The following TMIGD3 variants were observed in gnomAD, a reference collection of about 807,000 sequenced individuals.
TMIGD3 encodes the protein transmembrane and immunoglobulin domain containing 3.
TMIGD3 carries 21 observed loss-of-function variants against 28.1 expected under a neutral mutation model. The observed-to-expected ratio is 0.75, with a 90% CI of 0.53 to 1.08. The LOEUF is 1.08. Among genes scored for constraint, TMIGD3 ranks in the 50% least tolerant of loss-of-function variants. The pLI is 0.00. For synonymous variants in TMIGD3, 151 were observed against 162.1 expected (o/e 0.93, Z 0.52); for missense variants, 416 against 435.6 (o/e 0.96, Z 0.40).
rs758488255 is a variant in TMIGD3, at chr1:111,486,667, A to T, written c.806-15T>A. On this transcript the variant is annotated splice_polypyrimidine_tract_variant and intron_variant, in intron 3 of 5. Transcript: ENST00000369716. ...GCCTGATAGGTCTGAATCAGAAAGGATTTGTTAAGTCAGGTGAGGCCCATA... is the reference window on the plus strand; with the variant it reads ...GCCTGATAGGTCTGAATCAGAAAGGTTTTGTTAAGTCAGGTGAGGCCCATA... 17 of 1,612,870 alleles carry T rather than the reference A, an allele frequency of 1.1e-5. No individual in the cohort carries two copies. In the South Asian group the frequency reaches 1.8e-4, roughly 17 times the overall value.
intron 1 of TMIGD3, among the ~76,000 whole-genome samples, chr1:111,519,972 C>T (rs550727703): frequency 9.0e-4 from 137 of 152,248 alleles, no homozygotes; most frequent in African/African-American, 3.1e-3. Context: ...GGATTACAGG[C>T]GTGAGCCACC....
chr1:111,504,406 C>A (rs529076765), upstream of TMIGD3, among the ~76,000 whole-genome samples: 1 of 152,354 alleles, frequency 6.6e-6, no homozygotes, highest in South Asian at 2.1e-4. Context: ...CCCATCCCCG[C>A]AGGAACAGGC....
intron 1 of TMIGD3, among the ~76,000 whole-genome samples, chr1:111,524,074 G>A (rs12044724): frequency 8.4e-5 from 12 of 142,208 alleles, no homozygotes; most frequent in African/African-American, 3.2e-4. Flanking sequence ...CTGTCGCCCA[G>A]GCTAGAGTGC....
Position 111,489,111 on chromosome 1 carries a change from ATAAT to A in TMIGD3, c.458-91_458-88del. On this transcript the variant is annotated intron_variant, in intron 2 of 5. Transcript: ENST00000369716. ...ATTGCAGCTCCTGCCCTCCTGAAGG[ATAAT>A]TAATTAAAGAATCGGAGGCTGATTT... 6 of 1,290,024 alleles carry A rather than the reference ATAAT, an allele frequency of 4.7e-6. No individual in the cohort carries two copies. In the South Asian group the frequency reaches 7.1e-5, roughly 15 times the overall value. The allele number at this position is 1,290,024 out of a possible 1,614,324, so 79.9% of individuals were successfully genotyped here.
intron 1 of TMIGD3, among the ~76,000 whole-genome samples, chr1:111,516,549 G>C (rs1404477333): frequency 6.6e-6 from 1 of 152,204 alleles, no homozygotes; most frequent in Non-Finnish European, 1.5e-5. Flanking sequence ...GAGAACAGCA[G>C]ACCCTCCTAC....
Position 111,526,772 on chromosome 1 carries a change from G to A in TMIGD3, c.108-36010C>T, listed in dbSNP as rs956821859. Among the ~76,000 whole-genome samples, 14 of 152,098 alleles carry A rather than the reference G, an allele frequency of 9.2e-5. 1 individual carries two copies. The highest frequency in any genetic ancestry group is 3.3e-4 in the Admixed American group (5 of 15,276). ...CAAATGCGTAGTACATGTAACTACC[G>A]TTATAGAATCATACTGAATAGTTTC... On this transcript the variant is annotated intron_variant, in intron 1 of 5. Transcript: ENST00000369717.
chr1:111,489,639 G>A lies in TMIGD3; in HGVS notation c.458-615C>T, dbSNP rs755539659. 22 of 1,135,392 alleles carry A rather than the reference G, an allele frequency of 1.9e-5. 1 individual carries two copies. In the South Asian group the frequency reaches 3.4e-4, roughly 18 times the overall value. 70.3% of individuals were successfully genotyped at this position (1,135,392 alleles called of 1,614,324 possible). On this transcript the variant is annotated intron_variant, in intron 2 of 5. Coordinates refer to ENST00000369716, the MANE Select transcript of TMIGD3 (RefSeq NM_020683.7). ...GGAGGCCTCCTACCATTGCTTGACG[G>A]AGGGCCTTGAAGAGCCTGAGGCTTA... is the stretch of plus-strand genomic sequence containing the variant.
intron 1 of TMIGD3, among the ~76,000 whole-genome samples, chr1:111,531,024 C>A (rs1235169434): frequency 2.0e-5 from 3 of 152,144 alleles, no homozygotes; most frequent in Non-Finnish European, 2.9e-5. Flanking sequence ...TTTAAACATT[C>A]TTTTAGGCCA....
upstream of TMIGD3, chr1:111,504,265 C>T (rs1446749472): frequency 1.4e-5 from 5 of 346,016 alleles, no homozygotes; most frequent in African/African-American, 2.2e-5. Context: ...ATGCTGGCAG[C>T]CGGCCAATGT....
chr1:111,485,820 C>T lies in TMIGD3; in HGVS notation c.893G>A (p.Cys298Tyr). 6.2e-7 allele frequency: 1 copy of T among 1,611,526 alleles called. No homozygotes were observed. The highest frequency in any genetic ancestry group is 8.5e-7 in the Non-Finnish European group (1 of 1,178,988). Reference protein sequence around the residue: ...DRSRTSILIICILITGLGIIS... With the variant: ...DRSRTSILIIYILITGLGIIS... Reference sequence around the variant, plus strand: ...GATTCCCAAACCCGTGATCAGTATGCAAATGATGAGAATGGACGTCCTAGA... The same window carrying T: ...GATTCCCAAACCCGTGATCAGTATGTAAATGATGAGAATGGACGTCCTAGA... Residue 298 changes from cysteine (C) to tyrosine (Y), a missense_variant, in exon 5 of 6, where the codon TGC becomes TAC. Cys to Tyr is a radical substitution (Grantham distance 194). Coordinates refer to ENST00000369716, the MANE Select transcript of TMIGD3 (RefSeq NM_020683.7).
rs768339453 is a variant in TMIGD3 at position 111,488,658 on chromosome 1, C to T, written c.805+19G>A. The T allele has an allele frequency of 1.2e-6, 2 of 1,603,442 alleles. No homozygotes were observed. The highest frequency in any genetic ancestry group is 4.5e-5 in the East Asian group (2 of 44,766). Reference sequence around the variant, plus strand: ...TGGCTGTGGGTTACATCCAGCCAGACCCCAGGCAGGCTCCTTACCTTTCCC... The same window carrying T: ...TGGCTGTGGGTTACATCCAGCCAGATCCCAGGCAGGCTCCTTACCTTTCCC... On this transcript the variant is annotated intron_variant, in intron 3 of 5. Transcript: ENST00000369716.
rs538421226 is a variant in TMIGD3 at position 111,558,158 on chromosome 1, TA to T, written c.107+5687del. ...AATAAACAGACCAAACTCTTTGGGT[TA>T]AAAAAGTCAATATGGAAATTTTTTT... On this transcript the variant is annotated intron_variant, in intron 1 of 5. Coordinates refer to the TMIGD3 transcript ENST00000369717. Among the ~76,000 whole-genome samples, 301 of 152,280 alleles carry T rather than the reference TA, an allele frequency of 2.0e-3. 2 individuals are homozygous for T. The highest frequency in any genetic ancestry group is 7.1e-3 in the African/African-American group (295 of 41,562).
At chr1:111,529,948 G>A (rs1332589846) in intron 1 of TMIGD3, among the ~76,000 whole-genome samples, 9 of 145,458 alleles carry the variant, frequency 6.2e-5, no homozygotes, top group Admixed American at 4.0e-4. Context: ...AGGGGCGGCC[G>A]GGCAGAGGCG....
At chr1:111,558,943 T>C (rs7526137) in intron 1 of TMIGD3, among the ~76,000 whole-genome samples, 16,113 of 152,108 alleles carry the variant, frequency 0.11, 2,176 homozygotes, top group African/African-American at 0.31. Context: ...TATACTTTTA[T>C]AAAAATCAAG....
Position 111,490,683 on chromosome 1 carries a change from T to G in TMIGD3, c.430A>C (p.Ile144Leu). The G allele has an allele frequency of 1.2e-6, 2 of 1,613,882 alleles. No homozygotes were observed. The highest frequency in any genetic ancestry group is 1.7e-6 in the Non-Finnish European group (2 of 1,179,802). The change falls in exon 2 of 6, where the codon ATT (isoleucine) becomes CTT (leucine). Residue 144 changes from isoleucine to leucine, a missense_variant. Physicochemically the swap from Ile to Leu is conservative, Grantham distance 5. Coordinates refer to ENST00000369716, the MANE Select transcript of TMIGD3 (RefSeq NM_020683.7). ...VCFLPVMWLF[I>L]LLSLALISDA... ...GAAATGAGAGCCAAGGAGAGTAGAATGAAGAGCCACATGACTGGAAGGAAG... is the reference window on the plus strand; with the variant it reads ...GAAATGAGAGCCAAGGAGAGTAGAAGGAAGAGCCACATGACTGGAAGGAAG...
intron 1 of TMIGD3, among the ~76,000 whole-genome samples, chr1:111,537,191 A>T (rs1267743835): frequency 1.3e-5 from 2 of 152,174 alleles, no homozygotes; most frequent in African/African-American, 2.4e-5. Context: ...CATTGGAGCA[A>T]TGGCTCCCTC....
intron 1 of TMIGD3, chr1:111,500,340 G>A (rs141827119): frequency 6.2e-7 from 1 of 1,614,214 alleles, no homozygotes; most frequent in Non-Finnish European, 8.5e-7. Flanking sequence ...TGACAACCAG[G>A]GGGATGAAAA....
intron 1 of TMIGD3, among the ~76,000 whole-genome samples, chr1:111,494,565 G>A (rs757779363): frequency 6.6e-6 from 1 of 152,126 alleles, no homozygotes; most frequent in Non-Finnish European, 1.5e-5. Context: ...CATGCTCATA[G>A]ATAGGAAGAA....
At chr1:111,490,548 A>C in intron 2 of TMIGD3, 108 bp downstream of exon 2, 2 of 763,130 alleles carry the variant, frequency 2.6e-6, no homozygotes, top group South Asian at 3.2e-5. Context: ...CACTCCTTAG[A>C]TGGTTCGAGT....
Sources: gnomAD v4.1 joint callset for allele counts (sites outside exome capture counted in the v4.1 genomes callset) on GRCh38, gnomAD v4.1.1 for gene constraint, MANE v1.5 for transcripts, NCBI Gene and HGNC (gene_info 2026-07-23, HGNC 2026-07-21) for gene names.